TYW1: variants seen among roughly 807,000 people sequenced by gnomAD.
The protein encoded by TYW1 is tRNA-yW synthesizing protein 1 homolog, also known as S-adenosyl-L-methionine-dependent tRNA 4-demethylwyosine synthase TYW1.
A neutral mutation model predicts 96.2 loss-of-function variants in TYW1; 46 were observed. The observed-to-expected ratio is 0.48, with a 90% CI of 0.38 to 0.61. TYW1 has a LOEUF of 0.61. Among genes scored for constraint, TYW1 ranks in the 20% least tolerant of loss-of-function variants. The pLI, the probability that TYW1 is intolerant of heterozygous loss-of-function variation, is 0.00. For missense variants in TYW1, 684 were observed against 909.6 expected (o/e 0.75, Z 3.19); for synonymous variants, 274 against 323.0 (o/e 0.85, Z 1.63).
Position 67,019,310 on chromosome 7 carries a change from C to A in TYW1, c.861+1167C>A, listed in dbSNP as rs1794147732. On this transcript the variant is annotated intron_variant, in intron 6 of 15. Transcript: ENST00000359626. ...CCTTCCCCCAGCTCCCATCTCCTGC[C>A]TCAGCCTCCTGAGTAGCTGGGATTA... Among the ~76,000 whole-genome samples, 5 of 152,314 alleles carry A rather than the reference C, an allele frequency of 3.3e-5. No individual in the cohort carries two copies. The South Asian group carries it at 1.0e-3, about 32-fold the overall frequency.
chr7:67,085,138 A>G (rs1221125319), intron 11 of TYW1, among the ~76,000 whole-genome samples: 1 of 152,222 alleles, frequency 6.6e-6, no homozygotes, highest in Non-Finnish European at 1.5e-5. Context: ...TGAAGATCAG[A>G]TGATTCTTTC....
chr7:67,018,935 G>A (rs1408203588), intron 6 of TYW1, among the ~76,000 whole-genome samples: 4 of 130,120 alleles, frequency 3.1e-5, no homozygotes, highest in Non-Finnish European at 6.4e-5. Context: ...CAGCCCGGGC[G>A]ACAGAGTGAG....
chr7:67,156,961 C>T (rs1483302852), intron 13 of TYW1, among the ~76,000 whole-genome samples: 2 of 151,928 alleles, frequency 1.3e-5, no homozygotes, highest in African/African-American at 4.8e-5. Context: ...GGGGACCTCT[C>T]ACTTACCTTT....
intron 13 of TYW1, among the ~76,000 whole-genome samples, chr7:67,126,660 C>G (rs1797922912): frequency 6.6e-6 from 1 of 152,136 alleles, no homozygotes; most frequent in South Asian, 2.1e-4. Flanking sequence ...AGGTGTTCGT[C>G]TAGATTCTTT....
At chr7:67,108,966 A>G (rs1797319601) in intron 12 of TYW1, among the ~76,000 whole-genome samples, 1 of 152,160 alleles carries the variant, frequency 6.6e-6, no homozygotes, top group South Asian at 2.1e-4. Context: ...AAGAAGTTAC[A>G]GTGAAAATAG....
At chr7:67,200,951 G>T (rs1446313764) in intron 15 of TYW1, among the ~76,000 whole-genome samples, 3 of 152,092 alleles carry the variant, frequency 2.0e-5, no homozygotes, top group Non-Finnish European at 4.4e-5. Context: ...TCAAGAGAAG[G>T]GTTGCAGGGA....
intron 15 of TYW1, among the ~76,000 whole-genome samples, chr7:67,214,779 T>C (rs1354944418): frequency 7.0e-6 from 1 of 142,982 alleles, no homozygotes; most frequent in Non-Finnish European, 1.5e-5. Context: ...TTTTTTTCTT[T>C]AGCCTATTGA....
chr7:67,019,370 A>G (rs566092438), intron 6 of TYW1, among the ~76,000 whole-genome samples: 20 of 94,210 alleles, frequency 2.1e-4, no homozygotes, highest in Admixed American at 1.5e-3. Flanking sequence ...TAATTTTTGT[A>G]TTTTTTTAAT....
chr7:67,192,703 AG>A (rs941297709), intron 14 of TYW1, among the ~76,000 whole-genome samples: 3 of 152,296 alleles, frequency 2.0e-5, no homozygotes, highest in African/African-American at 7.2e-5. Context: ...ACTGAGCAAA[AG>A]GGGCTCACTA....
intron 15 of TYW1, among the ~76,000 whole-genome samples, chr7:67,220,296 C>T (rs1396538556): frequency 4.0e-5 from 6 of 150,940 alleles, no homozygotes; most frequent in South Asian, 4.2e-4. Flanking sequence ...CTCCGCCTCC[C>T]GGGTTCATGC....
intron 5 of TYW1, among the ~76,000 whole-genome samples, chr7:67,016,495 C>T (rs556250529): frequency 7.9e-5 from 12 of 151,748 alleles, no homozygotes; most frequent in East Asian, 5.9e-4. Flanking sequence ...TGCAGTGAGC[C>T]GAGGTCGTGC....
At chr7:67,064,813 G>C (rs1795810083) in intron 9 of TYW1, among the ~76,000 whole-genome samples, 1 of 152,134 alleles carries the variant, frequency 6.6e-6, no homozygotes, top group Non-Finnish European at 1.5e-5. Flanking sequence ...TTCAACAAAT[G>C]CTGCTGGAGC....
At chr7:67,216,942 T>C (rs1248075712) in intron 15 of TYW1, among the ~76,000 whole-genome samples, 3 of 151,144 alleles carry the variant, frequency 2.0e-5, no homozygotes, top group Non-Finnish European at 4.4e-5. Context: ...CTTATATTTA[T>C]CTGGAGTATT....
intron 15 of TYW1, among the ~76,000 whole-genome samples, chr7:67,207,982 A>G (rs910509759): frequency 6.6e-6 from 1 of 152,116 alleles, no homozygotes; most frequent in Non-Finnish European, 1.5e-5. Flanking sequence ...CGGCCTCACA[A>G]AGTGCTGGAA....
intron 12 of TYW1, among the ~76,000 whole-genome samples, chr7:67,112,549 G>A (rs1797455039): frequency 6.6e-6 from 1 of 151,740 alleles, no homozygotes; most frequent in African/African-American, 2.4e-5. Context: ...CCGGGAGGTG[G>A]AGGTTGTGGT....
At chr7:67,070,140 C>T (rs1343156379) in intron 10 of TYW1, among the ~76,000 whole-genome samples, 1 of 152,058 alleles carries the variant, frequency 6.6e-6, no homozygotes, top group East Asian at 1.9e-4. Flanking sequence ...AGTGCCTTCT[C>T]TCTCGCTTCT....
chr7:67,092,486 C>T (rs530160438), intron 11 of TYW1, among the ~76,000 whole-genome samples: 21 of 152,216 alleles, frequency 1.4e-4, no homozygotes, highest in South Asian at 6.2e-4. Flanking sequence ...GTCTTTTCTC[C>T]GACTGGAATG....
At chr7:67,219,117 C>T (rs867620348) in intron 15 of TYW1, among the ~76,000 whole-genome samples, 1 of 152,116 alleles carries the variant, frequency 6.6e-6, no homozygotes, top group Non-Finnish European at 1.5e-5. Flanking sequence ...ATGAAAAACG[C>T]GAAAGGGTGT....
intron 9 of TYW1, among the ~76,000 whole-genome samples, chr7:67,057,800 A>C (rs1795571025): frequency 6.6e-6 from 1 of 152,160 alleles, no homozygotes; most frequent in African/African-American, 2.4e-5. Context: ...GTGGATGTGA[A>C]TCTTTTGTTG....
Sources: allele counts gnomAD v4.1 joint callset (sites outside exome capture counted in the v4.1 genomes callset), GRCh38; gene constraint gnomAD v4.1.1; transcripts MANE v1.5; gene names NCBI Gene and HGNC (gene_info 2026-07-23, HGNC 2026-07-21).